The following RAB20 variants were observed in gnomAD, a reference collection of about 807,000 sequenced individuals.
RAB20 encodes the protein ras-related protein Rab-20.
Under a neutral mutation model 3.7 loss-of-function variants are expected in RAB20, and 2 were observed. That is an observed-to-expected ratio of 0.54 (90% CI 0.22 to 1.69). RAB20 has a LOEUF of 1.69. RAB20 is among the 40% of genes most tolerant of loss of function. The pLI is 0.19. For synonymous variants in RAB20, 126 were observed against 130.8 expected (o/e 0.96, Z 0.25); for missense variants, 276 against 311.9 (o/e 0.88, Z 0.87).
At chr13:110,525,047 G>A (rs1449318583) in intron 1 of RAB20, among the ~76,000 whole-genome samples, 2 of 146,246 alleles carry the variant, frequency 1.4e-5, no homozygotes, top group African/African-American at 4.9e-5. Flanking sequence ...ACAAGGTGCT[G>A]TCTGTCACTG....
chr13:110,529,934 G>T (rs1884501512), intron 1 of RAB20, among the ~76,000 whole-genome samples: 1 of 152,206 alleles, frequency 6.6e-6, no homozygotes, highest in African/African-American at 2.4e-5. Context: ...AGACGAAGAG[G>T]TCAATTACCC....
chr13:110,554,710 T>C (rs1291859360), intron 1 of RAB20, among the ~76,000 whole-genome samples: 1 of 152,194 alleles, frequency 6.6e-6, no homozygotes, highest in Non-Finnish European at 1.5e-5. Context: ...GCTCAGAATC[T>C]TGCCTGGGGC....
intron 1 of RAB20, among the ~76,000 whole-genome samples, chr13:110,528,754 C>T: frequency 6.6e-6 from 1 of 151,918 alleles, no homozygotes; most frequent in African/African-American, 2.4e-5. Flanking sequence ...CTTTAAAAAA[C>T]TAAAAAAGGA....
chr13:110,523,770 C>T lies in RAB20; in HGVS notation c.600G>A (p.Leu200=). The change falls in exon 2 of 2, where the codon CTG becomes CTA. Residue 200 remains leucine, a synonymous_variant. Coordinates refer to ENST00000267328, the MANE Select transcript of RAB20 (RefSeq NM_017817.3). ...TCTGCTGTAAGATCATTGGCACCAC[C>T]AGGTCAAAGAGGGTCTCAAACAGGA... The part of the protein sequence containing the change: ...VDLLFETLFD[L]VVPMILQQRA... 1 of 1,614,176 alleles carries T rather than the reference C, an allele frequency of 6.2e-7. No homozygotes were observed. The highest frequency in any genetic ancestry group is 1.7e-5 in the Admixed American group (1 of 60,026).
At chr13:110,538,168 G>A (rs1261593188) in intron 1 of RAB20, among the ~76,000 whole-genome samples, 1 of 150,234 alleles carries the variant, frequency 6.7e-6, no homozygotes, top group Non-Finnish European at 1.5e-5. Flanking sequence ...GAGCCTGGGA[G>A]GTCAAGGCTG....
Position 110,523,270 on chromosome 13 carries a change from T to C in RAB20, c.*395A>G, listed in dbSNP as rs1374348799. ...TTGAGAACAAGAAATGTCAGAGTTG[T>C]AGGACGTGGTAACAACCCAGGGTGC... On this transcript the variant is annotated 3_prime_UTR_variant, in exon 2 of 2. Transcript: ENST00000267328. 4 of 420,276 alleles carry C rather than the reference T, an allele frequency of 9.5e-6. No individual in the cohort carries two copies. Among genetic ancestry groups the C allele is most frequent in the Admixed American group, 4.0e-5 (1 of 25,162 alleles). 26.0% of individuals were successfully genotyped at this position (420,276 alleles called of 1,614,324 possible). A position where few individuals can be genotyped will look rare whatever the true frequency, so the allele number is the denominator to read the frequency against.
rs143099781 is a variant in RAB20 at position 110,548,556 on chromosome 13, T to C, written c.172+12792A>G. ...CACAATTCAGTCTCACCTGCCTCCA[T>C]CCTCATGAAGGCACCAGGGGAGCGC... is the stretch of plus-strand genomic sequence containing the variant. On this transcript the variant is annotated intron_variant, in intron 1 of 1. Coordinates refer to ENST00000267328, the MANE Select transcript of RAB20 (RefSeq NM_017817.3). Among the ~76,000 whole-genome samples, 1,072 of 151,972 alleles carry C rather than the reference T, an allele frequency of 7.1e-3. 20 individuals are homozygous for C. Among genetic ancestry groups the C allele is most frequent in the African/African-American group, 0.025 (1,030 of 41,464 alleles).
At chr13:110,541,481 A>T (rs1183438484) in intron 1 of RAB20, among the ~76,000 whole-genome samples, 1 of 152,224 alleles carries the variant, frequency 6.6e-6, no homozygotes, top group Non-Finnish European at 1.5e-5. Flanking sequence ...GCCACATGAA[A>T]GCTCACCTCG....
chr13:110,550,448 G>A (rs1339775024), intron 1 of RAB20, among the ~76,000 whole-genome samples: 1 of 152,178 alleles, frequency 6.6e-6, no homozygotes, highest in Non-Finnish European at 1.5e-5. Context: ...TGCAACTAGG[G>A]GGAAGGAAGG....
rs1322301896 is a variant in RAB20, at chr13:110,524,195, G to A, written c.175C>T (p.Arg59Trp). The A allele has an allele frequency of 2.5e-6, 4 of 1,584,336 alleles. No homozygotes were observed. The highest frequency in any genetic ancestry group is 2.2e-5 in the South Asian group (2 of 88,972). ...YNISIWDTAG[R>W]EQFHGLGSMY... Reference sequence around the variant, plus strand: ...GAGCCCAGGCCGTGGAACTGCTCCCGCCCTGGTGGGAAGAGAGGGACAGAA... The same window carrying A: ...GAGCCCAGGCCGTGGAACTGCTCCCACCCTGGTGGGAAGAGAGGGACAGAA... Residue 59 changes from arginine (R) to tryptophan (W), a missense_variant and splice_region_variant, in exon 2 of 2, where the codon CGG (arginine) becomes TGG (tryptophan). Coordinates refer to ENST00000267328, the MANE Select transcript of RAB20 (RefSeq NM_017817.3).
intron 1 of RAB20, among the ~76,000 whole-genome samples, chr13:110,545,131 A>G (rs1884830465): frequency 6.6e-6 from 1 of 152,002 alleles, no homozygotes; most frequent in Non-Finnish European, 1.5e-5. Flanking sequence ...AGTCTCGGTT[A>G]TGTCTTTATT....
At chr13:110,551,347 T>C (rs1243450090) in intron 1 of RAB20, among the ~76,000 whole-genome samples, 1 of 152,190 alleles carries the variant, frequency 6.6e-6, no homozygotes, top group African/African-American at 2.4e-5. Flanking sequence ...AAGCTGGGCA[T>C]GGCCAGAGAC....
rs146987971 is a variant in RAB20, at chr13:110,549,764, G to A, written c.172+11584C>T. Among the ~76,000 whole-genome samples, 734 of 150,406 alleles carry A rather than the reference G, an allele frequency of 4.9e-3. 12 individuals carry two copies. The highest frequency in any genetic ancestry group is 0.017 in the African/African-American group (706 of 40,972). On this transcript the variant is annotated intron_variant, in intron 1 of 1. Transcript: ENST00000267328. ...GAGATGGAGTCTTGCTCTGTTGCCC[G>A]GGCTGGAGTGCAGTGGCACAATCTC...
intron 1 of RAB20, among the ~76,000 whole-genome samples, chr13:110,529,156 A>G (rs4773209): frequency 0.28 from 42,767 of 152,190 alleles, 6,344 homozygotes; most frequent in Admixed American, 0.32. Flanking sequence ...AGACAATGAA[A>G]ATAAAATGGT....
intron 1 of RAB20, among the ~76,000 whole-genome samples, chr13:110,534,835 A>AT (rs1476175985): frequency 1.3e-5 from 2 of 152,144 alleles, no homozygotes; most frequent in African/African-American, 4.8e-5. Context: ...ATCCAGCAAT[A>AT]TTTTTTTGTG....
intron 1 of RAB20, among the ~76,000 whole-genome samples, chr13:110,545,987 G>A (rs1159428410): frequency 3.9e-5 from 6 of 152,136 alleles, no homozygotes; most frequent in Admixed American, 3.9e-4. Context: ...CCAGGACCAA[G>A]CATACAGCAA....
At chr13:110,548,824 G>A (rs913190559) in intron 1 of RAB20, among the ~76,000 whole-genome samples, 2 of 152,092 alleles carry the variant, frequency 1.3e-5, no homozygotes, top group African/African-American at 4.8e-5. Context: ...GCACCGAGAG[G>A]TGAGGATAAC....
chr13:110,558,398 T>TTTC (rs1555336736), intron 1 of RAB20, among the ~76,000 whole-genome samples: 37 of 145,654 alleles, frequency 2.5e-4, no homozygotes, highest in Non-Finnish European at 2.7e-4. Flanking sequence ...TTTTTTTTTT[T>TTTC]TTGAGACAGA....
chr13:110,550,860 G>T (rs567943172), intron 1 of RAB20, among the ~76,000 whole-genome samples: 1 of 152,116 alleles, frequency 6.6e-6, no homozygotes, highest in Non-Finnish European at 1.5e-5. Flanking sequence ...GATTTGCAAT[G>T]ATATTGAACT....
Sources: gnomAD v4.1 joint callset for allele counts (sites outside exome capture counted in the v4.1 genomes callset) on GRCh38, gnomAD v4.1.1 for gene constraint, MANE v1.5 for transcripts, NCBI Gene and HGNC (gene_info 2026-07-23, HGNC 2026-07-21) for gene names.